RNGTT: variants seen among roughly 807,000 people sequenced by gnomAD.
RNGTT encodes the protein mRNA-capping enzyme.
Under a neutral mutation model 79.3 loss-of-function variants are expected in RNGTT, and 33 were observed. The observed-to-expected ratio is 0.42, with a 90% CI of 0.32 to 0.56. RNGTT has a LOEUF of 0.56. RNGTT is among the 20% of genes least tolerant of loss of function. RNGTT has a pLI of 0.17. For synonymous variants in RNGTT, 222 were observed against 235.9 expected (o/e 0.94, Z 0.54); for missense variants, 497 against 739.1 (o/e 0.67, Z 3.80).
At chr6:88,695,896 C>A (rs1025730894) in intron 13 of RNGTT, among the ~76,000 whole-genome samples, 5 of 152,038 alleles carry the variant, frequency 3.3e-5, no homozygotes, top group Non-Finnish European at 5.9e-5. Flanking sequence ...ATAACACAGG[C>A]ACAGAAAGAC....
At chr6:88,814,791 A>T (rs1037498218) in intron 11 of RNGTT, among the ~76,000 whole-genome samples, 5 of 150,868 alleles carry the variant, frequency 3.3e-5, no homozygotes, top group African/African-American at 9.9e-5. Context: ...AGAGAGATTT[A>T]AAAAAAAGGA....
At chr6:88,737,342 C>T (rs563607270) in intron 13 of RNGTT, among the ~76,000 whole-genome samples, 32 of 152,250 alleles carry the variant, frequency 2.1e-4, no homozygotes, top group South Asian at 6.2e-4. Context: ...AATCATACCT[C>T]GAGTCTTACC....
intron 8 of RNGTT, among the ~76,000 whole-genome samples, chr6:88,873,957 A>G (rs1243086738): frequency 6.6e-6 from 1 of 152,194 alleles, no homozygotes; most frequent in Non-Finnish European, 1.5e-5. Context: ...CAAACTTATT[A>G]TTCGTAGCAC....
intron 12 of RNGTT, 57 bp downstream of exon 12, chr6:88,801,507 T>C: frequency 3.0e-6 from 4 of 1,350,650 alleles, no homozygotes; most frequent in South Asian, 2.4e-5. Context: ...TGTATATCTG[T>C]GTACACACAC....
chr6:88,614,973 C>T (rs192530073), intron 14 of RNGTT, among the ~76,000 whole-genome samples: 1 of 152,184 alleles, frequency 6.6e-6, no homozygotes, highest in Non-Finnish European at 1.5e-5. Flanking sequence ...CAAACTAGTA[C>T]AAATTTACAG....
At chr6:88,701,762 T>C (rs913172135) in intron 13 of RNGTT, among the ~76,000 whole-genome samples, 2 of 152,120 alleles carry the variant, frequency 1.3e-5, no homozygotes, top group Admixed American at 1.3e-4. Context: ...GGCACACAGA[T>C]TGTAAGTACA....
At chr6:88,771,315 G>GTGTGTATATATATATATATATATA (rs1303688973) in intron 12 of RNGTT, among the ~76,000 whole-genome samples, 1 of 62,070 alleles carries the variant, frequency 1.6e-5, no homozygotes, top group African/African-American at 6.6e-5. Context: ...GTGTGTGTGT[G>GTGTGTATATATATATATATATATA]TATATATATA....
At chr6:88,753,685 T>C (rs1008301696) in intron 13 of RNGTT, among the ~76,000 whole-genome samples, 3 of 151,856 alleles carry the variant, frequency 2.0e-5, no homozygotes, top group Non-Finnish European at 2.9e-5. Flanking sequence ...ATTTAAATAA[T>C]TGTTAAAAAT....
At chr6:88,624,552 C>T (rs76997206) in intron 14 of RNGTT, among the ~76,000 whole-genome samples, 4,552 of 151,940 alleles carry the variant, frequency 0.03, 227 homozygotes, top group African/African-American at 0.1. Context: ...TCTCAATCTA[C>T]ATCATTCACA....
intron 8 of RNGTT, among the ~76,000 whole-genome samples, chr6:88,876,663 T>C (rs1372519741): frequency 6.6e-6 from 1 of 152,256 alleles, no homozygotes; most frequent in Non-Finnish European, 1.5e-5. Context: ...AATCTCTTTA[T>C]CCTGTATTCC....
At chr6:88,812,574 A>T (rs185783383) in intron 11 of RNGTT, among the ~76,000 whole-genome samples, 7 of 152,362 alleles carry the variant, frequency 4.6e-5, no homozygotes, top group Admixed American at 4.6e-4. Flanking sequence ...TCTATCTTGG[A>T]AGAGCAGGTG....
intron 11 of RNGTT, among the ~76,000 whole-genome samples, chr6:88,820,220 T>C (rs1780454516): frequency 6.6e-6 from 1 of 152,052 alleles, no homozygotes; most frequent in South Asian, 2.1e-4. Context: ...GATATGATGA[T>C]GATGATGATG....
intron 8 of RNGTT, among the ~76,000 whole-genome samples, chr6:88,880,191 AAT>A (rs1240131672): frequency 7.5e-6 from 1 of 133,222 alleles, no homozygotes; most frequent in Non-Finnish European, 1.8e-5. Flanking sequence ...TGAATGAATG[AAT>A]GAATGAATGA....
intron 14 of RNGTT, among the ~76,000 whole-genome samples, chr6:88,626,591 C>T (rs923871379): frequency 6.6e-6 from 1 of 152,042 alleles, no homozygotes; most frequent in African/African-American, 2.4e-5. Context: ...CTCTTCACTT[C>T]CCAAATGCAC....
At chr6:88,847,876 T>C in intron 10 of RNGTT, among the ~76,000 whole-genome samples, 1 of 151,340 alleles carries the variant, frequency 6.6e-6, no homozygotes, top group East Asian at 1.9e-4. Flanking sequence ...GACTCCTACA[T>C]ATTAAGAAGA....
At chr6:88,903,644 T>A (rs553937799) in intron 6 of RNGTT, among the ~76,000 whole-genome samples, 33 of 152,254 alleles carry the variant, frequency 2.2e-4, no homozygotes, top group African/African-American at 4.1e-4. Context: ...CAAAAAAAAA[T>A]TTTTAAGCCA....
intron 13 of RNGTT, among the ~76,000 whole-genome samples, chr6:88,764,892 G>A (rs188824658): frequency 1.3e-5 from 2 of 152,028 alleles, no homozygotes; most frequent in African/African-American, 4.8e-5. Context: ...CAATGTGATA[G>A]GTAAAAAATT....
chr6:88,711,929 T>C (rs779980659), intron 13 of RNGTT, among the ~76,000 whole-genome samples: 2 of 152,164 alleles, frequency 1.3e-5, no homozygotes, highest in African/African-American at 4.8e-5. Context: ...ATTTTTACCA[T>C]GAGAAATTAA....
intron 14 of RNGTT, among the ~76,000 whole-genome samples, chr6:88,648,607 GCTTT>G (rs1268894594): frequency 2.0e-5 from 3 of 152,034 alleles, no homozygotes; most frequent in Non-Finnish European, 2.9e-5. Context: ...TCCACACTTT[GCTTT>G]CTATTTTCCT....
Sources: gnomAD v4.1 joint callset for allele counts (sites outside exome capture counted in the v4.1 genomes callset) on GRCh38, gnomAD v4.1.1 for gene constraint, MANE v1.5 for transcripts, NCBI Gene and HGNC (gene_info 2026-07-23, HGNC 2026-07-21) for gene names.